The following APOBEC3D variants were observed in gnomAD, a reference collection of about 807,000 sequenced individuals.
APOBEC3D encodes apolipoprotein B mRNA editing enzyme catalytic subunit 3D, also known as DNA dC->dU-editing enzyme APOBEC-3D.
In APOBEC3D, 37 loss-of-function variants were observed where a neutral mutation model predicts 45.6. That is an observed-to-expected ratio of 0.81 (90% CI 0.62 to 1.07). The LOEUF is 1.07. Among genes scored for constraint, APOBEC3D ranks in the 50% least tolerant of loss-of-function variants. The pLI, the probability that APOBEC3D is intolerant of heterozygous loss-of-function variation, is 0.00. For synonymous variants in APOBEC3D, 175 were observed against 180.7 expected (o/e 0.97, Z 0.25); for missense variants, 496 against 495.3 (o/e 1.00, Z -0.01).
intron 4 of APOBEC3D, 101 bp downstream of exon 4, chr22:39,025,772 C>G: frequency 1.3e-6 from 2 of 1,585,572 alleles, no homozygotes; most frequent in Non-Finnish European, 1.7e-6. Context: ...CGTCCTGCCC[C>G]CCTGCCTGCC....
Position 39,022,971 on chromosome 22 carries a change from G to C in APOBEC3D, c.167G>C (p.Arg56Pro). Reference sequence around the variant, plus strand: ...CTCCTTTGGGACACAGGGGTCTTTCGAGGCCCGGTACTACCCAAACGTCAG... The same window carrying C: ...CTCCTTTGGGACACAGGGGTCTTTCCAGGCCCGGTACTACCCAAACGTCAG... ...SNLLWDTGVF[R>P]GPVLPKRQSN... The change falls in exon 2 of 7, where the codon CGA (arginine) becomes CCA (proline). Residue 56 changes from arginine (R) to proline (P), a missense_variant. Transcript: ENST00000216099. 6.2e-7 allele frequency: 1 copy of C among 1,613,678 alleles called. No homozygotes were observed.
chr22:39,021,539 ACCGCTGCCCACTATGT>A lies in APOBEC3D; in HGVS notation c.17+8_17+23del, dbSNP rs1925103497. 1 of 1,613,794 alleles carries A rather than the reference ACCGCTGCCCACTATGT, an allele frequency of 6.2e-7. No homozygotes were observed. The highest frequency in any genetic ancestry group is 1.7e-5 in the Admixed American group (1 of 60,008). ...CTGAACATGAATCCACAGATCAGGT[ACCGCTGCCCACTATGT>A]CCGCAGGGCCCCTCCGGCCCCTTCC... On this transcript the variant is annotated splice_donor_5th_base_variant and intron_variant, in intron 1 of 6. Transcript: ENST00000216099.
At chr22:39,021,561 G>A (rs777250595) in intron 1 of APOBEC3D, 25 bp downstream of exon 1, 1 of 1,611,600 alleles carries the variant, frequency 6.2e-7, no homozygotes, top group Non-Finnish European at 8.5e-7. Flanking sequence ...TATGTCCGCA[G>A]GGCCCCTCCG....
intron 4 of APOBEC3D, among the ~76,000 whole-genome samples, chr22:39,028,948 C>T (rs989772781): frequency 5.9e-5 from 9 of 152,062 alleles, no homozygotes; most frequent in Non-Finnish European, 1.0e-4. Context: ...TAAATAAATT[C>T]GCTGTGATCC....
At chr22:39,025,855 G>A (rs1172995580) in intron 4 of APOBEC3D, among the ~76,000 whole-genome samples, 184 bp downstream of exon 4, 1 of 151,646 alleles carries the variant, frequency 6.6e-6, no homozygotes, top group Non-Finnish European at 1.5e-5. Flanking sequence ...GCTTTCCTGG[G>A]CTCTTCCTGT....
intron 4 of APOBEC3D, among the ~76,000 whole-genome samples, chr22:39,027,093 T>C (rs1488359067): frequency 6.6e-6 from 1 of 152,018 alleles, no homozygotes; most frequent in Admixed American, 6.6e-5. Flanking sequence ...TCTAAGGCCC[T>C]CGGGAGAGAT....
At chr22:39,025,463 G>A (rs1217442504) in intron 3 of APOBEC3D, 94 bp from the exon 4 acceptor site, 11 of 1,613,838 alleles carry the variant, frequency 6.8e-6, no homozygotes, top group Non-Finnish European at 9.3e-6. Flanking sequence ...GGTGGGGCTG[G>A]CACTGATTGC....
At chr22:39,027,113 G>T (rs1232819072) in intron 4 of APOBEC3D, among the ~76,000 whole-genome samples, 1 of 152,146 alleles carries the variant, frequency 6.6e-6, no homozygotes, top group Non-Finnish European at 1.5e-5. Context: ...TGGGAACTGA[G>T]CACCTGGGTC....
chr22:39,029,409 A>G lies in APOBEC3D; in HGVS notation c.652A>G (p.Lys218Glu). Residue 218 changes from lysine (K) to glutamate (E), a missense_variant, in exon 5 of 7, where the codon AAA (lysine) becomes GAA (glutamate). Physicochemically the swap from Lys to Glu is moderately conservative, Grantham distance 56. Coordinates refer to ENST00000216099, the MANE Select transcript of APOBEC3D (RefSeq NM_152426.4). ...MYPHIFYFHFKNLLKACGRNE... is the reference protein window; with the variant it reads ...MYPHIFYFHFENLLKACGRNE... ...CCCACACATATTCTACTTCCACTTT[A>G]AAAACCTACTGAAAGCCTGTGGTCG... The G allele has an allele frequency of 6.2e-7, 1 of 1,614,166 alleles. No homozygotes were observed. Among genetic ancestry groups the G allele is most frequent in the Non-Finnish European group, 8.5e-7 (1 of 1,180,034 alleles).
intron 5 of APOBEC3D, 140 bp downstream of exon 5, chr22:39,029,659 A>G (rs1332562286): frequency 1.9e-5 from 20 of 1,063,870 alleles, no homozygotes; most frequent in Non-Finnish European, 2.6e-5. Context: ...TTTTTTTAAG[A>G]CAGAGTCTCC....
At chr22:39,031,670 G>A (rs766669956) in intron 5 of APOBEC3D, 24 bp from the exon 6 acceptor site, 26 of 1,610,210 alleles carry the variant, frequency 1.6e-5, no homozygotes, top group Non-Finnish European at 2.1e-5. Context: ...AGCTCCCCCT[G>A]CCCTCCTCCT....
chr22:39,026,461 T>A (rs1349470206), intron 4 of APOBEC3D, among the ~76,000 whole-genome samples: 1 of 152,226 alleles, frequency 6.6e-6, no homozygotes, highest in Non-Finnish European at 1.5e-5. Flanking sequence ...GTTGAGGGCT[T>A]CGACATGTCA....
chr22:39,032,512 A>G lies in APOBEC3D; in HGVS notation c.*196A>G. 1 of 1,360,106 alleles carries G rather than the reference A, an allele frequency of 7.4e-7. No individual in the cohort carries two copies. Among genetic ancestry groups the G allele is most frequent in the Non-Finnish European group, 9.4e-7 (1 of 1,058,376 alleles). The allele number at this position is 1,360,106 out of a possible 1,614,324, so 84.3% of individuals were successfully genotyped here. ...CAGGCTCTTCTTGTAGAGGCTCTCC[A>G]TCCACCTCCCCAGTCCTGTTCCCCC... On this transcript the variant is annotated 3_prime_UTR_variant, in exon 7 of 7. Coordinates refer to ENST00000216099, the MANE Select transcript of APOBEC3D (RefSeq NM_152426.4).
In APOBEC3D at chr22:39,025,165, G is replaced by A. The variant is rs373878134; in HGVS notation, c.306G>A (p.Trp102Ter). The stretch of plus-strand genomic sequence containing the variant: ...CTAACAGGCGCTTCCAGATCACCTG[G>A]TTTGTATCATGGAACCCCTGCCTGC... ...LPANRRFQIT[W>*]FVSWNPCLPC... Residue 102 changes from tryptophan (W) to a stop codon, truncating the protein, a stop_gained, in exon 3 of 7, where the codon TGG (tryptophan) becomes TGA (stop). Transcript: ENST00000216099. LOFTEE classifies it high-confidence loss of function. 6 of 1,614,076 alleles carry A rather than the reference G, an allele frequency of 3.7e-6. No individual in the cohort carries two copies. The African/African-American group carries it at 8.0e-5, about 22-fold the overall frequency.
chr22:39,033,238 T>G lies in APOBEC3D; in HGVS notation c.*922T>G. 1.0e-6 allele frequency: 1 copy of G among 976,930 alleles called. No individual in the cohort carries two copies. The highest frequency in any genetic ancestry group is 1.2e-6 in the Non-Finnish European group (1 of 822,302). The allele number at this position is 976,930 out of a possible 1,614,324, so 60.5% of individuals were successfully genotyped here. A position where few individuals can be genotyped will look rare whatever the true frequency, so the allele number is the denominator to read the frequency against. On this transcript the variant is annotated 3_prime_UTR_variant, in exon 7 of 7. Coordinates refer to ENST00000216099, the MANE Select transcript of APOBEC3D (RefSeq NM_152426.4). ...CCTGAAAATAAATCAATAAATACAC[T>G]CAACCTAAATGGATATGAATATATG...
intron 3 of APOBEC3D, 25 bp from the exon 4 acceptor site, chr22:39,025,532 A>T (rs370274357): frequency 2.5e-6 from 4 of 1,614,052 alleles, no homozygotes; most frequent in Non-Finnish European, 3.4e-6. Flanking sequence ...GGAGAGCCTG[A>T]GTGCTTCCCA....
rs1569062612 is a variant in APOBEC3D at position 39,033,061 on chromosome 22, C to CA, written c.*745_*746insA. ...AGCCCCATTTCTACAAAAAAAAATA[C>CA]CAAAAAAAAGCCAGATGTGGTGGCA... On this transcript the variant is annotated 3_prime_UTR_variant, in exon 7 of 7. Coordinates refer to ENST00000216099, the MANE Select transcript of APOBEC3D (RefSeq NM_152426.4). 82 of 128,380 alleles carry CA rather than the reference C, an allele frequency of 6.4e-4. No homozygotes were observed. The highest frequency in any genetic ancestry group is 3.9e-3 in the Middle Eastern group (1 of 256). The allele number at this position is 128,380 out of a possible 1,614,324, so 8.0% of individuals were successfully genotyped here.
intron 5 of APOBEC3D, among the ~76,000 whole-genome samples, chr22:39,030,809 T>A (rs547791474): frequency 9.1e-4 from 139 of 152,242 alleles, no homozygotes; most frequent in African/African-American, 2.9e-3. Flanking sequence ...GATGCCAGAA[T>A]TCGCACTTGA....
At chr22:39,028,926 C>G (rs144679688) in intron 4 of APOBEC3D, among the ~76,000 whole-genome samples, 1,611 of 152,054 alleles carry the variant, frequency 0.011, 18 homozygotes, top group Middle Eastern at 0.027. Flanking sequence ...AGAGTGAGAC[C>G]GTGTGCAAAA....
Sources: allele counts gnomAD v4.1 joint callset (sites outside exome capture counted in the v4.1 genomes callset), GRCh38; gene constraint gnomAD v4.1.1; transcripts MANE v1.5; gene names NCBI Gene and HGNC (gene_info 2026-07-23, HGNC 2026-07-21).